Variants in MMAA observed in about 807,000 individuals in gnomAD.
The protein encoded by MMAA is metabolism of cobalamin associated A.
In MMAA, 41 loss-of-function variants were observed where a neutral mutation model predicts 45.0. The observed-to-expected ratio is 0.91, with a 90% confidence interval of 0.71 to 1.18. The LOEUF (loss-of-function observed/expected upper bound fraction) is 1.18, where lower values mean the gene tolerates loss of function less well. Ranked by LOEUF, MMAA falls within the 50% of genes most tolerant of loss-of-function variation. The pLI is 0.00. For synonymous variants in MMAA, 154 were observed against 178.2 expected, an observed-to-expected ratio of 0.86 and a Z score of 1.08; for missense variants, 460 against 495.7, an observed-to-expected ratio of 0.93 and a Z score of 0.68.
intron 1 of MMAA, among the ~76,000 whole-genome samples, chr4:145,635,271 G>C (rs1727581279): frequency 6.6e-6 from 1 of 152,186 alleles, no homozygotes; most frequent in African/African-American, 2.4e-5. Context: ...GAACAGCCAG[G>C]CCTCTCTGGC....
chr4:145,631,783 A>AT (rs1374459625), intron 1 of MMAA, among the ~76,000 whole-genome samples: 2 of 151,610 alleles, frequency 1.3e-5, no homozygotes, highest in African/African-American at 4.8e-5. Context: ...CTTGCTTTTT[A>AT]TTTTTTGTGT....
At chr4:145,632,481 T>C (rs1727475922) in intron 1 of MMAA, among the ~76,000 whole-genome samples, 1 of 152,232 alleles carries the variant, frequency 6.6e-6, no homozygotes, top group Non-Finnish European at 1.5e-5. Flanking sequence ...CTTGAGGTAG[T>C]CTTTGGATTA....
In MMAA at chr4:145,658,489, C is replaced by T. The variant is rs781271928; in HGVS notation, c.*3055C>T. 1 of 152,070 alleles carries T rather than the reference C, an allele frequency of 6.6e-6. No homozygotes were observed. Among genetic ancestry groups the T allele is most frequent in the Non-Finnish European group, 1.5e-5 (1 of 68,014 alleles). 9.4% of individuals were successfully genotyped at this position (152,070 alleles called of 1,614,324 possible). On this transcript the variant is annotated 3_prime_UTR_variant, in exon 7 of 7. Transcript: ENST00000649156. The stretch of plus-strand genomic sequence containing the variant: ...GACAGACATTTTGCTAAAACAATAT[C>T]AAATCTCATTAAAATGATGACAGTT...
intron 3 of MMAA, among the ~76,000 whole-genome samples, 158 bp from the exon 4 acceptor site, chr4:145,645,821 TTAATCTG>T: frequency 6.6e-6 from 1 of 152,164 alleles, no homozygotes; most frequent in South Asian, 2.1e-4. Flanking sequence ...AATGTTAAGA[TTAATCTG>T]ACATCATTGT....
chr4:145,628,858 C>T (rs1443714040), intron 1 of MMAA, among the ~76,000 whole-genome samples: 2 of 152,110 alleles, frequency 1.3e-5, no homozygotes, highest in African/African-American at 2.4e-5. Context: ...AAGTTATATA[C>T]ACATCAATAT....
intron 5 of MMAA, among the ~76,000 whole-genome samples, chr4:145,653,114 CCTT>C (rs1728142359): frequency 6.6e-6 from 1 of 152,170 alleles, no homozygotes; most frequent in Non-Finnish European, 1.5e-5. Flanking sequence ...CTCAGGCAAT[CCTT>C]CTGCCTTAGC....
At chr4:145,629,379 C>T (rs1402460421) in intron 1 of MMAA, among the ~76,000 whole-genome samples, 1 of 152,148 alleles carries the variant, frequency 6.6e-6, no homozygotes, top group Non-Finnish European at 1.5e-5. Context: ...CCTTGTACCC[C>T]AGGGATAAAT....
intron 1 of MMAA, chr4:145,624,164 T>A: frequency 9.7e-7 from 1 of 1,030,024 alleles, no homozygotes; most frequent in Middle Eastern, 3.0e-4. Context: ...CTCCTTCACA[T>A]CTGTAGAGGA....
At chr4:145,655,060 A>G (rs1047656012) in intron 6 of MMAA, 87 bp from the exon 7 acceptor site, 2 of 1,436,514 alleles carry the variant, frequency 1.4e-6, no homozygotes, top group African/African-American at 2.8e-5. Flanking sequence ...TGTAGACCGT[A>G]AGAATTAACT....
Position 145,655,898 on chromosome 4 carries a change from G to T in MMAA, c.*464G>T, listed in dbSNP as rs1026066167. The T allele has an allele frequency of 2.0e-5, 3 of 153,480 alleles. No homozygotes were observed. The highest frequency in any genetic ancestry group is 7.2e-5 in the African/African-American group (3 of 41,440). 9.5% of individuals were successfully genotyped at this position (153,480 alleles called of 1,614,324 possible). On this transcript the variant is annotated 3_prime_UTR_variant, in exon 7 of 7. Transcript: ENST00000649156. ...ATCATAATTGACATTTAGTGTACCA[G>T]ATTATTCTAAGAATTTCTGAAATTA...
At chr4:145,630,358 A>G (rs1734310150) in intron 1 of MMAA, among the ~76,000 whole-genome samples, 1 of 152,094 alleles carries the variant, frequency 6.6e-6, no homozygotes, top group Admixed American at 6.6e-5. Flanking sequence ...CTCCTTTTTC[A>G]TCTCTGCATT....
chr4:145,629,728 A>T (rs1156406489), intron 1 of MMAA, among the ~76,000 whole-genome samples: 1 of 152,220 alleles, frequency 6.6e-6, no homozygotes, highest in Non-Finnish European at 1.5e-5. Context: ...AGAAGGAGCA[A>T]GTCCCATCTT....
intron 4 of MMAA, chr4:145,650,701 G>C (rs1728065692): frequency 6.9e-6 from 2 of 289,160 alleles, no homozygotes; most frequent in Non-Finnish European, 1.3e-5. Flanking sequence ...AGGACAAGAA[G>C]ACAAAAAAGA....
chr4:145,626,981 A>G (rs1236227473), intron 1 of MMAA, among the ~76,000 whole-genome samples: 1 of 152,218 alleles, frequency 6.6e-6, no homozygotes, highest in East Asian at 1.9e-4. Context: ...AGATGGTATC[A>G]TCCTTTTTCT....
In MMAA at chr4:145,633,196, C is replaced by CTTTTTTTTT. The variant is rs941603291; in HGVS notation, c.-65-5866_-65-5858dup. 2.7e-4 allele frequency among the ~76,000 whole-genome samples: 24 copies of CTTTTTTTTT among 88,470 alleles called. 1 individual carries two copies. Among genetic ancestry groups the CTTTTTTTTT allele is most frequent in the African/African-American group, 6.0e-4 (12 of 20,104 alleles). 58.0% of individuals were successfully genotyped at this position (88,470 alleles called of 152,430 possible). A position where few individuals can be genotyped will look rare whatever the true frequency, so the allele number is the denominator to read the frequency against. On this transcript the variant is annotated intron_variant, in intron 1 of 6. Coordinates refer to ENST00000649156, the MANE Select transcript of MMAA (RefSeq NM_172250.3). ...CTTGTGGTATCTTGAATTTCTTTTT[C>CTTTTTTTTT]TTTTTTTTTTTTTTTTTTTTTGAGA...
intron 1 of MMAA, among the ~76,000 whole-genome samples, chr4:145,630,531 C>T (rs940779051): frequency 6.6e-6 from 1 of 152,138 alleles, no homozygotes; most frequent in Non-Finnish European, 1.5e-5. Flanking sequence ...GAGTTTGACA[C>T]CAGACTGACC....
intron 1 of MMAA, among the ~76,000 whole-genome samples, chr4:145,619,981 GA>G (rs1461805742): frequency 1.3e-5 from 2 of 152,100 alleles, no homozygotes; most frequent in African/African-American, 2.4e-5. Flanking sequence ...TTTCTCATTA[GA>G]AAATGAAAGA....
At chr4:145,648,322 A>G (rs1043322547) in intron 4 of MMAA, among the ~76,000 whole-genome samples, 1 of 146,420 alleles carries the variant, frequency 6.8e-6, no homozygotes, top group African/African-American at 2.6e-5. Context: ...TAATTTTTGT[A>G]TTTTTAGTAG....
At chr4:145,651,903 A>G (rs1728101689) in intron 5 of MMAA, among the ~76,000 whole-genome samples, 1 of 152,164 alleles carries the variant, frequency 6.6e-6, no homozygotes, top group Non-Finnish European at 1.5e-5. Flanking sequence ...ATAGTTGACA[A>G]TAGAGTTTGT....
Sources: allele counts gnomAD v4.1 joint callset (sites outside exome capture counted in the v4.1 genomes callset), GRCh38; gene constraint gnomAD v4.1.1; transcripts MANE v1.5; gene names NCBI Gene and HGNC (gene_info 2026-07-23, HGNC 2026-07-21).